The following WWP2 variants were observed in gnomAD, a reference collection of about 807,000 sequenced individuals.
WWP2 encodes the protein NEDD4-like E3 ubiquitin-protein ligase WWP2.
In WWP2, 57 loss-of-function variants were observed where a neutral mutation model predicts 121.0. The observed-to-expected ratio is 0.47, with a 90% confidence interval of 0.38 to 0.59. The LOEUF (loss-of-function observed/expected upper bound fraction) is 0.59. Ranked by LOEUF, WWP2 falls within the 20% of genes least tolerant of loss-of-function variation. WWP2 has a pLI of 0.00. For missense variants in WWP2, 962 were observed against 1,158.9 expected (o/e 0.83, Z 2.47); for synonymous variants, 449 against 441.3 (o/e 1.02, Z -0.22).
intron 4 of WWP2, among the ~76,000 whole-genome samples, chr16:69,802,762 C>T (rs1469368121): frequency 6.6e-6 from 1 of 151,858 alleles, no homozygotes; most frequent in Non-Finnish European, 1.5e-5. Context: ...TGCCACCATG[C>T]CCAGCTAATT....
chr16:69,816,460 A>C (rs926694731), intron 4 of WWP2, among the ~76,000 whole-genome samples: 3 of 148,122 alleles, frequency 2.0e-5, no homozygotes, highest in Non-Finnish European at 4.5e-5. Context: ...TATATAATAT[A>C]TATAAATATA....
At chr16:69,800,212 C>T (rs2056133306) in intron 4 of WWP2, among the ~76,000 whole-genome samples, 1 of 152,152 alleles carries the variant, frequency 6.6e-6, no homozygotes, top group African/African-American at 2.4e-5. Context: ...TGTGCTGAAC[C>T]CACACTGGCC....
At chr16:69,898,470 A>G (rs2058144812) in intron 8 of WWP2, among the ~76,000 whole-genome samples, 1 of 152,218 alleles carries the variant, frequency 6.6e-6, no homozygotes, top group Non-Finnish European at 1.5e-5. Context: ...CATTCCTGCT[A>G]AAACTTAGTG....
At position 69,930,240 on chromosome 16, in the gene WWP2, G is replaced by A. The variant is rs1194651524; in HGVS notation, c.1427G>A (p.Arg476His). 2.5e-6 allele frequency: 4 copies of A among 1,613,880 alleles called. No homozygotes were observed. The highest frequency in any genetic ancestry group is 2.2e-5 in the South Asian group (2 of 91,016). Reference protein sequence around the residue: ...NTRTTTFKDPRPGFESGTKQG... With the variant: ...NTRTTTFKDPHPGFESGTKQG... ...CGCACCACCACCTTTAAGGATCCTC[G>A]CCCGGGGTTTGAGTCGGGGTAAGGA... is the stretch of plus-strand genomic sequence containing the variant. Residue 476 changes from arginine (R) to histidine (H), a missense_variant, in exon 13 of 24, where the codon CGC (arginine) becomes CAC (histidine). Arg to His is a conservative substitution (Grantham distance 29, BLOSUM62 0). Transcript: ENST00000359154.
At chr16:69,774,533 A>G (rs1358336513) in intron 1 of WWP2, among the ~76,000 whole-genome samples, 2 of 152,192 alleles carry the variant, frequency 1.3e-5, no homozygotes, top group African/African-American at 4.8e-5. Flanking sequence ...CTGGGATTAC[A>G]TGCATGAGCC....
chr16:69,791,693 A>AT (rs540393168), intron 2 of WWP2, among the ~76,000 whole-genome samples: 9 of 151,952 alleles, frequency 5.9e-5, no homozygotes, highest in African/African-American at 1.9e-4. Context: ...TAATTCTTAA[A>AT]TTTTTTTTAT....
At chr16:69,867,342 T>TA (rs2057545248) in intron 6 of WWP2, among the ~76,000 whole-genome samples, 2 of 152,168 alleles carry the variant, frequency 1.3e-5, no homozygotes, top group Non-Finnish European at 2.9e-5. Flanking sequence ...TCAGCAGAAT[T>TA]ACAAATCACA....
chr16:69,868,298 C>T (rs964356478), intron 6 of WWP2, among the ~76,000 whole-genome samples: 3 of 152,114 alleles, frequency 2.0e-5, no homozygotes, highest in Non-Finnish European at 2.9e-5. Flanking sequence ...CAGGGTAAGC[C>T]GCTATCATTA....
rs1028727283 is a variant in WWP2 at position 69,827,744 on chromosome 16, G to T, written c.341-12382G>T. ...GAGCATGGGTGATCTGTTGGAGCCA[G>T]GCAGGGCCTGGGCAGGGGATTAATG... On this transcript the variant is annotated intron_variant, in intron 4 of 23. Coordinates refer to ENST00000359154, the MANE Select transcript of WWP2 (RefSeq NM_001270454.2). 28 of 373,806 alleles carry T rather than the reference G, an allele frequency of 7.5e-5. 2 individuals carry two copies. The highest frequency in any genetic ancestry group is 1.8e-4 in the Admixed American group (5 of 28,386). 23.2% of individuals were successfully genotyped at this position (373,806 alleles called of 1,614,324 possible). A position where few individuals can be genotyped will look rare whatever the true frequency, so the allele number is the denominator to read the frequency against.
rs528621677 is a variant in WWP2, at chr16:69,811,847, A to G, written c.340+12552A>G. ...CTTCACCCAACTGTTAAAATTTGCT[A>G]CATTTGCTTTCACTGTGTTCTTCTG... On this transcript the variant is annotated intron_variant, in intron 4 of 23. Coordinates refer to ENST00000359154, the MANE Select transcript of WWP2 (RefSeq NM_001270454.2). Among the ~76,000 whole-genome samples the G allele has an allele frequency of 4.2e-4, 64 of 152,310 alleles. 1 individual carries two copies. Among genetic ancestry groups the G allele is most frequent in the African/African-American group, 1.5e-3 (64 of 41,564 alleles).
intron 4 of WWP2, among the ~76,000 whole-genome samples, chr16:69,832,279 C>T (rs1182871353): frequency 6.6e-6 from 1 of 152,092 alleles, no homozygotes; most frequent in Non-Finnish European, 1.5e-5. Flanking sequence ...GTTCAGTAGC[C>T]ATCTATGACG....
chr16:69,869,857 G>A (rs1252449264), intron 6 of WWP2, among the ~76,000 whole-genome samples: 3 of 152,194 alleles, frequency 2.0e-5, no homozygotes, highest in Admixed American at 6.5e-5. Flanking sequence ...GGAGCTTCCT[G>A]TTGACTGCCT....
At chr16:69,909,082 T>G in intron 9 of WWP2, 1 of 1,310,312 alleles carries the variant, frequency 7.6e-7, no homozygotes, top group Non-Finnish European at 9.7e-7. Flanking sequence ...GGCCAAGATT[T>G]AGAGTGTTGA....
chr16:69,796,805 G>A (rs2056056891), intron 2 of WWP2, among the ~76,000 whole-genome samples: 1 of 152,190 alleles, frequency 6.6e-6, no homozygotes, highest in Admixed American at 6.5e-5. Context: ...TGTCGCTTCT[G>A]AATCTTAGCC....
Position 69,842,103 on chromosome 16 carries a change from C to A in WWP2, c.558C>A (p.Cys186Ter). ...ENRHQPPSTNCFGGRSRTHRH... is the reference protein window; with the variant it reads ...ENRHQPPSTN ...GGCACCAGCCCCCCAGCACAAACTG[C>A]TTTGGTGGAAGATCCCGGTAAGACC... Residue 186 changes from cysteine (C) to a stop codon, truncating the protein, a stop_gained, in exon 6 of 24, where the codon TGC (cysteine) becomes TGA (stop). Transcript: ENST00000359154. LOFTEE classifies it high-confidence loss of function. 1 of 1,612,996 alleles carries A rather than the reference C, an allele frequency of 6.2e-7. No homozygotes were observed. The highest frequency in any genetic ancestry group is 8.5e-7 in the Non-Finnish European group (1 of 1,179,614).
chr16:69,777,309 C>T (rs960676505), intron 1 of WWP2, among the ~76,000 whole-genome samples: 2 of 150,260 alleles, frequency 1.3e-5, no homozygotes, highest in African/African-American at 4.9e-5. Flanking sequence ...TTTATATTTT[C>T]TTTTTTTTTG....
At chr16:69,796,992 C>T (rs979053747) in intron 2 of WWP2, among the ~76,000 whole-genome samples, 5 of 152,214 alleles carry the variant, frequency 3.3e-5, no homozygotes, top group Admixed American at 2.6e-4. Flanking sequence ...TATACTCAAA[C>T]AGGGAAGCTC....
intron 8 of WWP2, among the ~76,000 whole-genome samples, chr16:69,897,362 C>G (rs1005707635): frequency 6.6e-6 from 1 of 152,124 alleles, no homozygotes; most frequent in Admixed American, 6.5e-5. Context: ...CTAAACTTCC[C>G]AAAGTGCTGG....
chr16:69,809,178 G>T (rs923278487), intron 4 of WWP2, among the ~76,000 whole-genome samples: 3 of 152,246 alleles, frequency 2.0e-5, no homozygotes, highest in African/African-American at 2.4e-5. Context: ...ATCAGAGTCT[G>T]TTGGAAAATG....
Sources: gnomAD v4.1 joint callset for allele counts (sites outside exome capture counted in the v4.1 genomes callset) on GRCh38, gnomAD v4.1.1 for gene constraint, MANE v1.5 for transcripts, NCBI Gene and HGNC (gene_info 2026-07-23, HGNC 2026-07-21) for gene names.